The following KANK2 variants were observed in gnomAD, a reference collection of about 807,000 sequenced individuals.
KANK2 encodes the protein KN motif and ankyrin repeat domains 2, also known as KN motif and ankyrin repeat domain-containing protein 2.
KANK2 carries 41 observed loss-of-function variants against 74.6 expected under a neutral mutation model. The observed-to-expected ratio is 0.55, with a 90% confidence interval of 0.43 to 0.71. The LOEUF (loss-of-function observed/expected upper bound fraction) is 0.71. KANK2 is among the 30% of genes least tolerant of loss of function. The probability of loss-of-function intolerance (pLI) is 0.00; values close to 1 mark genes in which losing one functional copy is unlikely to be tolerated. For synonymous variants in KANK2, 537 were observed against 519.0 expected (o/e 1.03, Z -0.47); for missense variants, 1,148 against 1,196.4 (o/e 0.96, Z 0.60).
intron 12 of KANK2, among the ~76,000 whole-genome samples, chr19:11,168,005 G>GTTTTTTT (rs528176321): frequency 3.5e-5 from 4 of 115,032 alleles, no homozygotes; most frequent in Non-Finnish European, 7.1e-5. Context: ...CCACGTCCTT[G>GTTTTTTT]TTTTTTTTTT....
Position 11,194,134 on chromosome 19 carries a change from GC to G in KANK2, c.38-93del, listed in dbSNP as rs1235295220. ...GCCTGGGGAGAGTTGGGGTTTATTT[GC>G]CGAAGAGATGGGAGCCCACCTGGTA... On this transcript the variant is annotated intron_variant, in intron 3 of 12. Coordinates refer to ENST00000586659, the MANE Select transcript of KANK2 (RefSeq NM_001136191.3). 7 of 1,398,258 alleles carry G rather than the reference GC, an allele frequency of 5.0e-6. No individual in the cohort carries two copies. In the East Asian group the frequency reaches 1.7e-4, roughly 33 times the overall value. The allele number at this position is 1,398,258 out of a possible 1,614,324, so 86.6% of individuals were successfully genotyped here.
chr19:11,167,764 G>A (rs1218238184), intron 12 of KANK2, among the ~76,000 whole-genome samples: 2 of 151,806 alleles, frequency 1.3e-5, no homozygotes, highest in Non-Finnish European at 2.9e-5. Context: ...CTGACCTCAG[G>A]TGATCTGCCC....
rs143460223 is a variant in KANK2 at position 11,184,614 on chromosome 19, T to C, written c.1250-5894A>G. On this transcript the variant is annotated intron_variant, in intron 4 of 12. Coordinates refer to ENST00000586659, the MANE Select transcript of KANK2 (RefSeq NM_001136191.3). ...AAACCAGTCACAGACAGTATGTAAG[T>C]GATTCCGCGTGGCTGTATCCAATAA... Among the ~76,000 whole-genome samples, 6 of 149,494 alleles carry C rather than the reference T, an allele frequency of 4.0e-5. No homozygotes were observed. The East Asian group carries it at 1.2e-3, about 29-fold the overall frequency.
In KANK2 at chr19:11,193,032, G is replaced by C; in HGVS notation, c.1048C>G (p.Pro350Ala). The C allele has an allele frequency of 6.2e-7, 1 of 1,612,024 alleles. No homozygotes were observed. The highest frequency in any genetic ancestry group is 2.2e-5 in the East Asian group (1 of 44,818). ...TCCAGGCTCTGGGCCCGCTGTGCGG[G>C]GGCGCCAGCGGCTGTGCTGGCCACC... ...EVVASTAAGAPAQRAQSLEPY... is the reference protein window; with the variant it reads ...EVVASTAAGAAAQRAQSLEPY... Residue 350 changes from proline to alanine, a missense_variant, in exon 4 of 13, where the codon CCC becomes GCC. Pro to Ala is a conservative substitution (Grantham distance 27). Coordinates refer to ENST00000586659, the MANE Select transcript of KANK2 (RefSeq NM_001136191.3). The surrounding 1 kb of genome is among the most constrained non-coding windows in gnomAD (Gnocchi z 9.6).
intron 4 of KANK2, among the ~76,000 whole-genome samples, chr19:11,180,631 G>A (rs2078487286): frequency 6.6e-6 from 1 of 152,198 alleles, no homozygotes; most frequent in African/African-American, 2.4e-5. Context: ...GAACTCATGA[G>A]TGGGGAACTG....
chr19:11,196,101 C>T (rs2079011635), intron 1 of KANK2: 1 of 155,116 alleles, frequency 6.4e-6, no homozygotes, highest in Admixed American at 6.6e-5. Flanking sequence ...TCTTGTCGCC[C>T]AGGCTGGAGT....
At chr19:11,183,339 T>C (rs1315272067) in intron 4 of KANK2, among the ~76,000 whole-genome samples, 1 of 152,204 alleles carries the variant, frequency 6.6e-6, no homozygotes, top group Non-Finnish European at 1.5e-5. Flanking sequence ...AGAAGCAGCT[T>C]ACTTTACATG....
At chr19:11,171,840 T>G (rs1385119879) in intron 10 of KANK2, among the ~76,000 whole-genome samples, 1 of 150,714 alleles carries the variant, frequency 6.6e-6, no homozygotes, top group Non-Finnish European at 1.5e-5. Context: ...CCAGCTAATT[T>G]TTATATATTT....
At chr19:11,183,782 C>T in intron 4 of KANK2, among the ~76,000 whole-genome samples, 1 of 152,036 alleles carries the variant, frequency 6.6e-6, no homozygotes, top group Non-Finnish European at 1.5e-5. Flanking sequence ...TCCCGAGTAG[C>T]TGGGATTACA....
chr19:11,185,488 T>C lies in KANK2; in HGVS notation c.1250-6768A>G, dbSNP rs544229412. Among the ~76,000 whole-genome samples, 51 of 149,348 alleles carry C rather than the reference T, an allele frequency of 3.4e-4. 3 individuals carry two copies. In the South Asian group the frequency reaches 8.9e-3, roughly 26 times the overall value. ...GAGCCACTGTACTTGGCCCAAAATA[T>C]ATTTTTAAAATCATTCAACCATTAA... On this transcript the variant is annotated intron_variant, in intron 4 of 12. Transcript: ENST00000586659.
chr19:11,186,527 G>A (rs1000606403), intron 4 of KANK2, among the ~76,000 whole-genome samples: 10 of 151,990 alleles, frequency 6.6e-5, no homozygotes, highest in African/African-American at 1.2e-4. Context: ...GAGAAACCCC[G>A]TCTCTGCTAA....
intron 8 of KANK2, among the ~76,000 whole-genome samples, chr19:11,175,682 A>G (rs1018272832): frequency 2.6e-5 from 4 of 152,116 alleles, no homozygotes; most frequent in African/African-American, 9.7e-5. Flanking sequence ...ACCCAAGGCC[A>G]GGCTTGGCCA....
At chr19:11,190,812 C>A (rs2078821044) in intron 4 of KANK2, among the ~76,000 whole-genome samples, 1 of 152,036 alleles carries the variant, frequency 6.6e-6, no homozygotes, top group Non-Finnish European at 1.5e-5. Context: ...CTCACTGCAA[C>A]CTCCGGCTCC....
At chr19:11,192,795 C>CCA (rs1600825705) in intron 4 of KANK2, 36 bp downstream of exon 4, 2 of 1,537,148 alleles carry the variant, frequency 1.3e-6, no homozygotes, top group Non-Finnish European at 1.8e-6. Context: ...CCCCCCCCCC[C>CCA]AAGCCATTCT....
Position 11,166,443 on chromosome 19 carries a change from G to T in KANK2, c.*115C>A. 3 of 944,026 alleles carry T rather than the reference G, an allele frequency of 3.2e-6. No homozygotes were observed. The highest frequency in any genetic ancestry group is 5.1e-6 in the Non-Finnish European group (3 of 593,340). 58.5% of individuals were successfully genotyped at this position (944,026 alleles called of 1,614,324 possible). Reference sequence around the variant, plus strand: ...AGAGGGAGAGCTCGCTTGCCTTTGAGCCGTGGGCCTTGGGGAGTGTGAGTG... The same window carrying T: ...AGAGGGAGAGCTCGCTTGCCTTTGATCCGTGGGCCTTGGGGAGTGTGAGTG... On this transcript the variant is annotated 3_prime_UTR_variant, in exon 13 of 13. Coordinates refer to ENST00000586659, the MANE Select transcript of KANK2 (RefSeq NM_001136191.3).
rs1194604250 is a variant in KANK2 at position 11,176,448 on chromosome 19, G to A, written c.1760+130C>T. The A allele has an allele frequency of 7.5e-6, 8 of 1,061,048 alleles. No homozygotes were observed. The East Asian group carries it at 1.1e-4, about 14-fold the overall frequency. The allele number at this position is 1,061,048 out of a possible 1,614,324, so 65.7% of individuals were successfully genotyped here. A position where few individuals can be genotyped will look rare whatever the true frequency, so the allele number is the denominator to read the frequency against. On this transcript the variant is annotated intron_variant, in intron 7 of 12. Transcript: ENST00000586659. ...AGATGCCCAGAAGGAGCAAGTGCTC[G>A]TTTGCTAATTCAGACTAAAGTGTGC...
chr19:11,172,933 TA>T, intron 10 of KANK2, 47 bp downstream of exon 10: 1 of 1,593,292 alleles, frequency 6.3e-7, no homozygotes. Context: ...TGGGATGTCA[TA>T]AAGTAGGAAG....
chr19:11,169,856 C>T, intron 12 of KANK2, 21 bp downstream of exon 12: 1 of 1,603,834 alleles, frequency 6.2e-7, no homozygotes, highest in Non-Finnish European at 8.5e-7. Context: ...CCCGTGCCTA[C>T]CCGGCCGGAT....
Position 11,173,001 on chromosome 19 carries a change from T to C in KANK2, c.2191A>G (p.Ile731Val), listed in dbSNP as rs1196138661. The change falls in exon 10 of 13, where the codon ATC becomes GTC. Residue 731 changes from isoleucine (I) to valine (V), a missense_variant. Coordinates refer to ENST00000586659, the MANE Select transcript of KANK2 (RefSeq NM_001136191.3). ...TVLQLFRLGNINAKASQAGQT... is the reference protein window; with the variant it reads ...TVLQLFRLGNVNAKASQAGQT... Reference sequence around the variant, plus strand: ...CATACCTGGCTGGCTTTGGCATTGATGTTGCCAAGCCGGAAGAGCTGAAGG... The same window carrying C: ...CATACCTGGCTGGCTTTGGCATTGACGTTGCCAAGCCGGAAGAGCTGAAGG... 1 of 1,613,760 alleles carries C rather than the reference T, an allele frequency of 6.2e-7. No homozygotes were observed. The highest frequency in any genetic ancestry group is 8.5e-7 in the Non-Finnish European group (1 of 1,179,862).
Sources: gnomAD v4.1 joint callset for allele counts (sites outside exome capture counted in the v4.1 genomes callset) on GRCh38, gnomAD v4.1.1 for gene constraint, Gnocchi (gnomAD v3.1) non-coding constraint, MANE v1.5 for transcripts, NCBI Gene and HGNC (gene_info 2026-07-23, HGNC 2026-07-21) for gene names.